The following ZNF592 variants were observed in gnomAD, a reference collection of about 807,000 sequenced individuals.
The protein encoded by ZNF592 is spinocerebellar ataxia, autosomal recessive 5.
ZNF592 carries 11 observed loss-of-function variants against 80.3 expected under a neutral mutation model. That is an observed-to-expected ratio of 0.14 (90% CI 0.09 to 0.23). The LOEUF is 0.23. Among genes scored for constraint, ZNF592 ranks in the 10% least tolerant of loss-of-function variants. The probability of loss-of-function intolerance (pLI) is 1.00; values close to 1 mark genes in which losing one functional copy is unlikely to be tolerated. For synonymous variants in ZNF592, 646 were observed against 640.3 expected (o/e 1.01, Z -0.13); for missense variants, 1,420 against 1,633.9 (o/e 0.87, Z 2.26).
At chr15:84,790,139 A>C (rs932193277) in intron 4 of ZNF592, among the ~76,000 whole-genome samples, 2 of 136,402 alleles carry the variant, frequency 1.5e-5, no homozygotes, top group Non-Finnish European at 3.1e-5. Context: ...AGAGTGGGCA[A>C]ACAGGGCTAG....
chr15:84,771,007 A>T (rs1899684331), intron 2 of ZNF592, among the ~76,000 whole-genome samples: 1 of 152,140 alleles, frequency 6.6e-6, no homozygotes, highest in Non-Finnish European at 1.5e-5. Context: ...GACACCTTGC[A>T]CAGGGCAAGC....
chr15:84,768,411 T>C (rs1899600690), intron 2 of ZNF592, among the ~76,000 whole-genome samples: 1 of 151,916 alleles, frequency 6.6e-6, no homozygotes, highest in Non-Finnish European at 1.5e-5. Flanking sequence ...CTAATTTTTG[T>C]ATTTTTAGTA....
chr15:84,802,289 A>C lies in ZNF592; in HGVS notation c.3700A>C (p.Arg1234=). 6.2e-7 allele frequency: 1 copy of C among 1,612,686 alleles called. No individual in the cohort carries two copies. The highest frequency in any genetic ancestry group is 8.5e-7 in the Non-Finnish European group (1 of 1,179,030). ...TTTGTCAGCTGACCCAGAGGCGAGG[A>C]GATTGCTGGGCCCGGCCCCTGAGGA... is the stretch of plus-strand genomic sequence containing the variant. ...EPLSADPEAR[R]LLGPAPEDDG... is the part of the protein sequence containing the mutation. Residue 1234 remains arginine (R), a synonymous_variant, in exon 11 of 11, where the codon AGA becomes CGA. Transcript: ENST00000560079.
rs1441214627 is a variant in ZNF592, at chr15:84,802,460, G to A, written c.*67G>A. ...GTGTCTTCCACCTGCCCTGCGGACC[G>A]TGGAAAATAAAAGGCTCTGCCCCCA... On this transcript the variant is annotated 3_prime_UTR_variant, in exon 11 of 11. Coordinates refer to ENST00000560079, the MANE Select transcript of ZNF592 (RefSeq NM_014630.3). 1.5e-5 allele frequency: 24 copies of A among 1,570,526 alleles called. No homozygotes were observed. The highest frequency in any genetic ancestry group is 1.0e-4 in the South Asian group (9 of 88,034).
chr15:84,801,138 T>C (rs28439292), intron 10 of ZNF592, among the ~76,000 whole-genome samples: 4,847 of 152,280 alleles, frequency 0.032, 190 homozygotes, highest in African/African-American at 0.086. Context: ...CTAGGCAACA[T>C]TGGGAGACTC....
intron 1 of ZNF592, among the ~76,000 whole-genome samples, chr15:84,762,874 C>G (rs1245618136): frequency 6.6e-6 from 1 of 152,148 alleles, no homozygotes; most frequent in Non-Finnish European, 1.5e-5. Context: ...TCTAGAATCT[C>G]TTTGGCTCCG....
chr15:84,777,706 T>C (rs1471409607), intron 2 of ZNF592, among the ~76,000 whole-genome samples: 28 of 141,742 alleles, frequency 2.0e-4, no homozygotes, highest in African/African-American at 7.1e-4. Flanking sequence ...TTTTTTTTTT[T>C]TTTTTTTTTT....
chr15:84,792,058 G>A (rs1456888584), intron 5 of ZNF592, among the ~76,000 whole-genome samples: 3 of 149,818 alleles, frequency 2.0e-5, no homozygotes, highest in African/African-American at 2.5e-5. Context: ...TCTGGGAAGC[G>A]AACACATATA....
intron 2 of ZNF592, among the ~76,000 whole-genome samples, chr15:84,776,140 C>T (rs1289542886): frequency 6.6e-6 from 1 of 152,206 alleles, no homozygotes; most frequent in East Asian, 1.9e-4. Context: ...AGTGAGCTTA[C>T]CAGGTCTGGA....
At chr15:84,775,780 A>G (rs957931216) in intron 2 of ZNF592, among the ~76,000 whole-genome samples, 1 of 152,224 alleles carries the variant, frequency 6.6e-6, no homozygotes, top group Non-Finnish European at 1.5e-5. Flanking sequence ...GTGATTCGGC[A>G]TGCTGAGGCC....
At position 84,798,723 on chromosome 15, in the gene ZNF592, C is replaced by T; in HGVS notation, c.2872C>T (p.Leu958=). The part of the protein sequence containing the change: ...ATSVAARSSS[L]PSGRWGRPEA... ...TAGTGTGGCTGCTCGGAGCAGCTCC[C>T]TGCCTTCTGGCCGCTGGGGTAGGCC... Residue 958 remains leucine, a synonymous_variant, in exon 8 of 11, where the codon CTG becomes TTG. Transcript: ENST00000560079. The surrounding 1 kb of genome is among the most constrained non-coding windows in gnomAD (Gnocchi z 4.5). The T allele has an allele frequency of 6.2e-7, 1 of 1,612,276 alleles. No individual in the cohort carries two copies.
rs1284366904 is a variant in ZNF592, at chr15:84,784,499, G to A, written c.1824G>A (p.Arg608=). ...AGAGCCTGAGCCAGCACTATGGCCG[G>A]CGGAGCGTCCACATTGAGGTACTGT... The part of the protein sequence containing the change: ...LEKSLSQHYG[R]RSVHIEVLCT... The change falls in exon 4 of 11, where the codon CGG becomes CGA. Residue 608 remains arginine, a synonymous_variant. Transcript: ENST00000560079. This position sits in a 1 kb window ranked among gnomAD's most constrained non-coding sequence, Gnocchi z 5.8. The A allele has an allele frequency of 1.9e-6, 3 of 1,614,220 alleles. No homozygotes were observed. The African/African-American group carries it at 4.0e-5, about 22-fold the overall frequency.
chr15:84,779,368 G>A (rs1487499536), intron 3 of ZNF592, among the ~76,000 whole-genome samples: 1 of 152,014 alleles, frequency 6.6e-6, no homozygotes, highest in Non-Finnish European at 1.5e-5. Flanking sequence ...TAAACATGTA[G>A]GTACATGGTA....
intron 3 of ZNF592, among the ~76,000 whole-genome samples, chr15:84,780,528 G>C: frequency 6.6e-6 from 1 of 151,982 alleles, no homozygotes; most frequent in East Asian, 1.9e-4. Flanking sequence ...ATTCCAGTGG[G>C]GTATTCTGCC....
intron 2 of ZNF592, among the ~76,000 whole-genome samples, chr15:84,773,625 C>T (rs1330367220): frequency 2.0e-5 from 3 of 152,104 alleles, no homozygotes; most frequent in Non-Finnish European, 2.9e-5. Flanking sequence ...AAGCCCAGTA[C>T]ATATTTTATT....
intron 1 of ZNF592, among the ~76,000 whole-genome samples, chr15:84,750,580 G>T (rs762786000): frequency 3.9e-5 from 6 of 152,186 alleles, no homozygotes; most frequent in Non-Finnish European, 5.9e-5. Flanking sequence ...GCCTGGGAAG[G>T]CTTCCTAAGA....
chr15:84,775,144 G>T (rs902400037), intron 2 of ZNF592, among the ~76,000 whole-genome samples: 3 of 151,606 alleles, frequency 2.0e-5, no homozygotes, highest in Admixed American at 2.0e-4. Context: ...CACCTGGGCT[G>T]GAGTACAGTG....
rs539417348 is a variant in ZNF592 at position 84,802,509 on chromosome 15, C to G, written c.*116C>G. On this transcript the variant is annotated 3_prime_UTR_variant, in exon 11 of 11. Coordinates refer to ENST00000560079, the MANE Select transcript of ZNF592 (RefSeq NM_014630.3). Reference sequence around the variant, plus strand: ...CAGTGTGAGTGTGACCGGTTGTACCCTGGAGTAGTGTCTGCCCTGAGCTGC... The same window carrying G: ...CAGTGTGAGTGTGACCGGTTGTACCGTGGAGTAGTGTCTGCCCTGAGCTGC... The G allele has an allele frequency of 7.7e-7, 1 of 1,291,116 alleles. No homozygotes were observed. Among genetic ancestry groups the G allele is most frequent in the South Asian group, 1.3e-5 (1 of 77,816 alleles). The allele number at this position is 1,291,116 out of a possible 1,614,324, so 80.0% of individuals were successfully genotyped here.
At chr15:84,750,344 A>G (rs1938755181) in intron 1 of ZNF592, among the ~76,000 whole-genome samples, 2 of 152,244 alleles carry the variant, frequency 1.3e-5, no homozygotes, top group Admixed American at 6.5e-5. Context: ...AACAACAAAT[A>G]TTTGTCAACA....
Sources: gnomAD v4.1 joint callset for allele counts (sites outside exome capture counted in the v4.1 genomes callset) on GRCh38, gnomAD v4.1.1 for gene constraint, Gnocchi (gnomAD v3.1) non-coding constraint, MANE v1.5 for transcripts, NCBI Gene and HGNC (gene_info 2026-07-23, HGNC 2026-07-21) for gene names.